Variants in LRRIQ1 observed in about 807,000 individuals in gnomAD.
The protein encoded by LRRIQ1 is leucine-rich repeat- and IQ domain-containing protein 1.
In LRRIQ1, 210 loss-of-function variants were observed where a neutral mutation model predicts 211.9. That is an observed-to-expected ratio of 0.99 (90% CI 0.89 to 1.11). The LOEUF (loss-of-function observed/expected upper bound fraction) is 1.11. LRRIQ1 is among the 50% of genes most tolerant of loss of function. The pLI, the probability that LRRIQ1 is intolerant of heterozygous loss-of-function variation, is 0.00. For synonymous variants in LRRIQ1, 699 were observed against 650.1 expected, an observed-to-expected ratio of 1.08 and a Z score of -1.14; for missense variants, 2,136 against 1,939.5, an observed-to-expected ratio of 1.10 and a Z score of -1.90.
chr12:85,133,911 C>A (rs959889411), intron 18 of LRRIQ1, among the ~76,000 whole-genome samples: 12 of 152,126 alleles, frequency 7.9e-5, no homozygotes, highest in African/African-American at 2.9e-4. Flanking sequence ...TAATTAAGGA[C>A]TGGGTTCACC....
intron 24 of LRRIQ1, among the ~76,000 whole-genome samples, chr12:85,196,828 G>A (rs905889975): frequency 1.3e-5 from 2 of 151,978 alleles, no homozygotes; most frequent in Admixed American, 6.6e-5. Context: ...TTGACAAATG[G>A]GATCTAATTA....
intron 24 of LRRIQ1, among the ~76,000 whole-genome samples, chr12:85,197,962 A>T (rs1893042155): frequency 9.2e-6 from 1 of 108,620 alleles, no homozygotes; most frequent in Admixed American, 1.3e-4. Flanking sequence ...ATTATATATT[A>T]TATATAAATA....
chr12:85,174,767 A>C (rs995675515), intron 24 of LRRIQ1, among the ~76,000 whole-genome samples: 1 of 151,132 alleles, frequency 6.6e-6, no homozygotes, highest in Non-Finnish European at 1.5e-5. Flanking sequence ...TCAACAACAA[A>C]CAGATGGAAG....
At chr12:85,188,420 G>A (rs1478197076) in intron 24 of LRRIQ1, among the ~76,000 whole-genome samples, 2 of 152,058 alleles carry the variant, frequency 1.3e-5, no homozygotes, top group Non-Finnish European at 2.9e-5. Flanking sequence ...ACAACTGGTG[G>A]CAACTCAGAG....
chr12:85,099,445 G>C (rs1250953976), intron 13 of LRRIQ1, among the ~76,000 whole-genome samples: 1 of 151,694 alleles, frequency 6.6e-6, no homozygotes, highest in South Asian at 2.1e-4. Flanking sequence ...ATTTAAATTT[G>C]TTTTCCCTAA....
intron 8 of LRRIQ1, among the ~76,000 whole-genome samples, chr12:85,059,124 C>A (rs770328774): frequency 6.6e-6 from 1 of 151,934 alleles, no homozygotes; most frequent in Admixed American, 6.6e-5. Context: ...TTCTTTTTGA[C>A]TTTCTGATCT....
intron 11 of LRRIQ1, among the ~76,000 whole-genome samples, chr12:85,080,348 C>T (rs941625817): frequency 2.6e-5 from 4 of 151,614 alleles, no homozygotes; most frequent in Non-Finnish European, 5.9e-5. Context: ...TCCAAATACA[C>T]ATGTTTTTAT....
At chr12:85,072,342 G>A (rs889183935) in intron 10 of LRRIQ1, among the ~76,000 whole-genome samples, 1 of 151,860 alleles carries the variant, frequency 6.6e-6, no homozygotes, top group Non-Finnish European at 1.5e-5. Flanking sequence ...AATCTAATAT[G>A]TGGTCAATTT....
At chr12:85,074,599 C>T (rs1883443753) in intron 11 of LRRIQ1, among the ~76,000 whole-genome samples, 2 of 151,896 alleles carry the variant, frequency 1.3e-5, no homozygotes, top group Non-Finnish European at 2.9e-5. Flanking sequence ...CTCCCAGCCC[C>T]TTACTAACTT....
At chr12:85,172,414 A>C (rs2136819016) in intron 24 of LRRIQ1, among the ~76,000 whole-genome samples, 1 of 152,346 alleles carries the variant, frequency 6.6e-6, no homozygotes, top group South Asian at 2.1e-4. Flanking sequence ...CAATGGATTT[A>C]GACTGAGAAA....
intron 26 of LRRIQ1, among the ~76,000 whole-genome samples, chr12:85,244,431 T>C (rs1895620182): frequency 6.6e-6 from 1 of 151,614 alleles, no homozygotes; most frequent in African/African-American, 2.4e-5. Context: ...CCATATGACA[T>C]GTCTAACATT....
At chr12:85,206,712 C>G (rs1031199739) in intron 24 of LRRIQ1, among the ~76,000 whole-genome samples, 2 of 151,974 alleles carry the variant, frequency 1.3e-5, no homozygotes, top group Admixed American at 6.5e-5. Context: ...ATCAGGTGCA[C>G]TCTGCCAGCA....
chr12:85,204,682 T>C (rs374711203), intron 24 of LRRIQ1, among the ~76,000 whole-genome samples: 1 of 151,406 alleles, frequency 6.6e-6, no homozygotes, highest in Non-Finnish European at 1.5e-5. Context: ...CCCCTTTGTT[T>C]TGGCCATTTT....
In LRRIQ1 at chr12:85,175,741, A is replaced by C. The variant is rs542463295; in HGVS notation, c.4822+15027A>C. On this transcript the variant is annotated intron_variant, in intron 24 of 26. Coordinates refer to ENST00000393217, the MANE Select transcript of LRRIQ1 (RefSeq NM_001079910.2). ...CTACATATGGCTAGCCAGTTTTCCCAGCACCATTTATTAAATAGGGAATCC... is the reference window on the plus strand; with the variant it reads ...CTACATATGGCTAGCCAGTTTTCCCCGCACCATTTATTAAATAGGGAATCC... Among the ~76,000 whole-genome samples, 878 of 152,220 alleles carry C rather than the reference A, an allele frequency of 5.8e-3. 14 individuals are homozygous for C. Among genetic ancestry groups the C allele is most frequent in the African/African-American group, 0.02 (836 of 41,524 alleles).
chr12:85,135,092 T>TA (rs1175895174), intron 18 of LRRIQ1, among the ~76,000 whole-genome samples: 1 of 152,012 alleles, frequency 6.6e-6, no homozygotes, highest in Admixed American at 6.6e-5. Flanking sequence ...TTAATCAAAA[T>TA]AAAAGTCATC....
At chr12:85,272,483 A>C in the LRRIQ1 span, among the ~76,000 whole-genome samples, 1 of 152,240 alleles carries the variant, frequency 6.6e-6, no homozygotes, top group Non-Finnish European at 1.5e-5. Context: ...AAATGAACCC[A>C]AAACAAGTCC....
At position 85,099,003 on chromosome 12, in the gene LRRIQ1, A is replaced by G; in HGVS notation, c.3209+9A>G. The G allele has an allele frequency of 2.0e-6, 3 of 1,512,802 alleles. No individual in the cohort carries two copies. Among genetic ancestry groups the G allele is most frequent in the Non-Finnish European group, 2.7e-6 (3 of 1,119,832 alleles). 93.7% of individuals were successfully genotyped at this position (1,512,802 alleles called of 1,614,324 possible). ...ACTATCTCTCAAAACAGGTAAAAGC[A>G]TACTTAAGAAATAAATTCAGTGAAT... On this transcript the variant is annotated intron_variant, in intron 13 of 26. Transcript: ENST00000393217.
At chr12:85,140,353 T>C (rs1889448082) in intron 19 of LRRIQ1, among the ~76,000 whole-genome samples, 1 of 150,850 alleles carries the variant, frequency 6.6e-6, no homozygotes, top group South Asian at 2.1e-4. Context: ...CAAGAAACCA[T>C]GGAGATTTTG....
At chr12:85,175,375 G>T (rs527928809) in intron 24 of LRRIQ1, among the ~76,000 whole-genome samples, 1 of 152,104 alleles carries the variant, frequency 6.6e-6, no homozygotes, top group African/African-American at 2.4e-5. Context: ...GAGTATATTT[G>T]CTATCAATAC....
Sources: allele counts gnomAD v4.1 joint callset (sites outside exome capture counted in the v4.1 genomes callset), GRCh38; gene constraint gnomAD v4.1.1; transcripts MANE v1.5; gene names NCBI Gene and HGNC (gene_info 2026-07-23, HGNC 2026-07-21).